TSPAN15: variants seen among roughly 807,000 people sequenced by gnomAD.
TSPAN15 encodes tetraspanin 15.
A neutral mutation model predicts 34.5 loss-of-function variants in TSPAN15; 20 were observed. The observed-to-expected ratio is 0.58, with a 90% CI of 0.41 to 0.84. The LOEUF (loss-of-function observed/expected upper bound fraction) is 0.84, where lower values mean the gene tolerates loss of function less well. Among genes scored for constraint, TSPAN15 ranks in the 40% least tolerant of loss-of-function variants. The pLI is 0.00. For synonymous variants in TSPAN15, 155 were observed against 153.9 expected (o/e 1.01, Z -0.05); for missense variants, 313 against 386.1 (o/e 0.81, Z 1.59).
At chr10:69,507,673 T>TTTTTTCTA, downstream of TSPAN15, 1 of 1,107,752 alleles carries the variant, frequency 9.0e-7, no homozygotes, top group Non-Finnish European at 1.2e-6. Context: ...TTTTTTTTTT[T>TTTTTTCTA]GCCTTTCCTG....
chr10:69,538,691 G>A, the TSPAN15 span, among the ~76,000 whole-genome samples: 1 of 152,184 alleles, frequency 6.6e-6, no homozygotes, highest in Non-Finnish European at 1.5e-5. Flanking sequence ...ATAGGCAGCT[G>A]GCATGAAGGG....
chr10:69,471,387 A>C (rs1460011981), intron 1 of TSPAN15, among the ~76,000 whole-genome samples: 3 of 152,170 alleles, frequency 2.0e-5, no homozygotes, highest in African/African-American at 7.2e-5. Flanking sequence ...GGAGCCAATG[A>C]GGAGCAGATC....
the TSPAN15 span, among the ~76,000 whole-genome samples, chr10:69,515,517 T>G: frequency 6.6e-6 from 1 of 152,140 alleles, no homozygotes; most frequent in African/African-American, 2.4e-5. Context: ...TGATCACCCA[T>G]TTTGCAGGAG....
At chr10:69,517,755 C>T in the TSPAN15 span, among the ~76,000 whole-genome samples, 1 of 152,206 alleles carries the variant, frequency 6.6e-6, no homozygotes, top group Non-Finnish European at 1.5e-5. Context: ...ATATCCCTGC[C>T]TTGGCTCTGT....
intron 3 of TSPAN15, among the ~76,000 whole-genome samples, chr10:69,494,422 C>T (rs1050776752): frequency 6.6e-6 from 1 of 152,182 alleles, no homozygotes; most frequent in African/African-American, 2.4e-5. Context: ...TCACAACATC[C>T]CTATGAGGCA....
At chr10:69,500,356 G>A (rs551209984) in intron 5 of TSPAN15, among the ~76,000 whole-genome samples, 1 of 152,294 alleles carries the variant, frequency 6.6e-6, no homozygotes, top group African/African-American at 2.4e-5. Context: ...TGAGTCCAGT[G>A]GTCCACCCAA....
At chr10:69,515,543 C>G in the TSPAN15 span, among the ~76,000 whole-genome samples, 1 of 152,196 alleles carries the variant, frequency 6.6e-6, no homozygotes, top group African/African-American at 2.4e-5. Context: ...AGATAAAGGC[C>G]AGACTAGCTT....
intron 4 of TSPAN15, among the ~76,000 whole-genome samples, chr10:69,497,321 T>G (rs1006012992): frequency 1.1e-4 from 17 of 152,212 alleles, no homozygotes; most frequent in Non-Finnish European, 1.9e-4. Context: ...TTCAGCTGGC[T>G]GGCAAAGCTT....
At chr10:69,485,301 G>C in intron 3 of TSPAN15, 86 bp downstream of exon 3, 1 of 1,123,976 alleles carries the variant, frequency 8.9e-7, no homozygotes. Context: ...ATGGCAGTGA[G>C]CAGGGCAGAT....
the TSPAN15 span, among the ~76,000 whole-genome samples, chr10:69,539,476 G>GAAT: frequency 1.6e-5 from 1 of 62,578 alleles, no homozygotes; most frequent in Non-Finnish European, 3.3e-5. Flanking sequence ...GAAGGAGAAG[G>GAAT]AGAAGGAGAA....
the TSPAN15 span, among the ~76,000 whole-genome samples, chr10:69,518,980 G>A: frequency 6.6e-6 from 1 of 152,252 alleles, no homozygotes; most frequent in Admixed American, 6.5e-5. Flanking sequence ...GGTGTCTGTT[G>A]CAGCACTGTT....
chr10:69,470,633 C>CA (rs1408446016), intron 1 of TSPAN15, among the ~76,000 whole-genome samples: 1 of 152,152 alleles, frequency 6.6e-6, no homozygotes, highest in Non-Finnish European at 1.5e-5. Flanking sequence ...GGCATGGTGG[C>CA]AAGTGCTACT....
chr10:69,524,139 G>A, the TSPAN15 span, among the ~76,000 whole-genome samples: 1 of 147,888 alleles, frequency 6.8e-6, no homozygotes, highest in Non-Finnish European at 1.5e-5. Context: ...CAGTCCTGAT[G>A]GTTCAGTATT....
At chr10:69,500,281 T>C (rs1389042579) in intron 5 of TSPAN15, among the ~76,000 whole-genome samples, 1 of 152,084 alleles carries the variant, frequency 6.6e-6, no homozygotes, top group African/African-American at 2.4e-5. Context: ...CCCTTCAGAG[T>C]TGTCCCCTAC....
intron 3 of TSPAN15, among the ~76,000 whole-genome samples, chr10:69,490,966 A>G (rs1253812045): frequency 1.3e-5 from 2 of 152,234 alleles, no homozygotes; most frequent in Non-Finnish European, 2.9e-5. Context: ...TCGGCCTTAC[A>G]GAAGTAGAGA....
chr10:69,504,493 CT>C lies in TSPAN15; in HGVS notation c.618+11del. The stretch of plus-strand genomic sequence containing the variant: ...AAAACTATCGACAAGGAGGTAATGT[CT>C]TTGAAATGCCTTTCCCTGGAAATGT... On this transcript the variant is annotated intron_variant, in intron 6 of 7. Coordinates refer to ENST00000373290, the MANE Select transcript of TSPAN15 (RefSeq NM_012339.5). 6.2e-7 allele frequency: 1 copy of C among 1,613,928 alleles called. No homozygotes were observed. The highest frequency in any genetic ancestry group is 8.5e-7 in the Non-Finnish European group (1 of 1,179,826).
intron 3 of TSPAN15, among the ~76,000 whole-genome samples, chr10:69,491,009 C>T (rs939120355): frequency 4.6e-5 from 7 of 152,228 alleles, no homozygotes; most frequent in Admixed American, 1.3e-4. Context: ...GACTCCCCCA[C>T]GGGTGTGCCC....
chr10:69,482,361 C>T (rs1841752025), intron 1 of TSPAN15, among the ~76,000 whole-genome samples: 1 of 152,228 alleles, frequency 6.6e-6, no homozygotes, highest in South Asian at 2.1e-4. Flanking sequence ...ATCAAGAAGC[C>T]TGGGTTCTCC....
At chr10:69,500,933 GGGTGGTGGT>G (rs1475105100) in intron 5 of TSPAN15, among the ~76,000 whole-genome samples, 1 of 152,136 alleles carries the variant, frequency 6.6e-6, no homozygotes, top group Non-Finnish European at 1.5e-5. Context: ...GCTTGGAGCT[GGGTGGTGGT>G]GGTGGTGGTG....
Sources: allele counts gnomAD v4.1 joint callset (sites outside exome capture counted in the v4.1 genomes callset), GRCh38; gene constraint gnomAD v4.1.1; transcripts MANE v1.5; gene names NCBI Gene and HGNC (gene_info 2026-07-23, HGNC 2026-07-21).